ZNF469: variants seen among roughly 807,000 people sequenced by gnomAD.
The protein encoded by ZNF469 is zinc finger protein 469.
A neutral mutation model predicts 1.0 loss-of-function variants in ZNF469; 1 was observed. That is an observed-to-expected ratio of 1.00 (90% CI 0.35 to 4.73). ZNF469 has a LOEUF of 4.73. Among genes scored for constraint, ZNF469 ranks in the 30% most tolerant of loss-of-function variants. ZNF469 has a pLI of 0.16. For missense variants in ZNF469, 6,100 were observed against 5,356.3 expected, an observed-to-expected ratio of 1.14 and a Z score of -4.33; for synonymous variants, 2,703 against 2,363.4, an observed-to-expected ratio of 1.14 and a Z score of -4.17.
At chr16:88,311,298 G>C in the ZNF469 span, among the ~76,000 whole-genome samples, 1 of 152,192 alleles carries the variant, frequency 6.6e-6, no homozygotes. Context: ...TCTTTTTAAA[G>C]CTGAAACTGC....
In ZNF469 at chr16:88,430,915, G is replaced by T. The variant is rs1278453150; in HGVS notation, c.3445G>T (p.Asp1149Tyr). The T allele has an allele frequency of 4.6e-6, 7 of 1,537,010 alleles. No individual in the cohort carries two copies. Among genetic ancestry groups the T allele is most frequent in the Non-Finnish European group, 6.1e-6 (7 of 1,145,724 alleles). Residue 1149 changes from aspartate to tyrosine, a missense_variant, in exon 3 of 3, where the codon GAC (aspartate) becomes TAC (tyrosine). Physicochemically the swap from Asp to Tyr is radical, Grantham distance 160 (BLOSUM62 -3). Transcript: ENST00000565624. ...RKAARQEAGG[D>Y]GAPANPEEPG... is the part of the protein sequence containing the mutation. ...GGCGGCGAGGCAGGAAGCCGGCGGG[G>T]ACGGAGCCCCCGCGAACCCCGAGGA... is the stretch of plus-strand genomic sequence containing the variant.
At chr16:88,381,454 GTCTT>G (rs1401874103), upstream of ZNF469, among the ~76,000 whole-genome samples, 5 of 152,138 alleles carry the variant, frequency 3.3e-5, no homozygotes, top group African/African-American at 1.2e-4. Context: ...GGAAATTGAA[GTCTT>G]TCTTAGAAAC....
At position 88,435,691 on chromosome 16, in the gene ZNF469, G is replaced by C. The variant is rs1906522264; in HGVS notation, c.8221G>C (p.Gly2741Arg). The stretch of plus-strand genomic sequence containing the variant: ...AGGGAGGATGGATGGTGCAGCTCTG[G>C]GGGAACAGCCAACTGGGCAGAAGGG... Reference protein sequence around the residue: ...CPGRMDGAALGEQPTGQKGAS... With the variant: ...CPGRMDGAALREQPTGQKGAS... Residue 2741 changes from glycine (G) to arginine (R), a missense_variant, in exon 3 of 3, where the codon GGG (glycine) becomes CGG (arginine). Gly to Arg is a moderately radical substitution (Grantham distance 125, BLOSUM62 -2). Coordinates refer to ENST00000565624, the MANE Select transcript of ZNF469 (RefSeq NM_001367624.2). 3.2e-6 allele frequency: 5 copies of C among 1,550,544 alleles called. No homozygotes were observed. Among genetic ancestry groups the C allele is most frequent in the South Asian group, 1.2e-5 (1 of 84,064 alleles).
At chr16:88,259,582 G>A in the ZNF469 span, among the ~76,000 whole-genome samples, 2 of 152,248 alleles carry the variant, frequency 1.3e-5, no homozygotes, top group South Asian at 4.1e-4. This position sits in a 1 kb window ranked among gnomAD's most constrained non-coding sequence, Gnocchi z 4.1. Flanking sequence ...CAAACTTAGG[G>A]GTTCCCTGGG....
chr16:88,224,104 C>T, the ZNF469 span, among the ~76,000 whole-genome samples: 2 of 152,180 alleles, frequency 1.3e-5, no homozygotes, highest in East Asian at 1.9e-4. Flanking sequence ...GTTGTTTTCT[C>T]GGGGCAGGGG....
chr16:88,108,141 A>ATCCCAGGACAGAGGTGCACGTC, the ZNF469 span, among the ~76,000 whole-genome samples: 2 of 103,854 alleles, frequency 1.9e-5, no homozygotes, highest in African/African-American at 7.9e-5. Context: ...GTCTGTGGGG[A>ATCCCAGGACAGAGGTGCACGTC]TGTGGGGATG....
At chr16:88,408,200 T>A (rs780505365) in intron 1 of ZNF469, among the ~76,000 whole-genome samples, 3 of 152,256 alleles carry the variant, frequency 2.0e-5, no homozygotes, top group Non-Finnish European at 4.4e-5. Context: ...TTGCCCAGGC[T>A]GGAGTGCAAT....
the ZNF469 span, among the ~76,000 whole-genome samples, chr16:88,306,371 C>T: frequency 2.0e-5 from 3 of 152,360 alleles, no homozygotes; most frequent in Non-Finnish European, 4.4e-5. Context: ...CTGGAGCTCT[C>T]GCACTAGCCT....
In ZNF469 at chr16:88,383,058, G is replaced by A. The variant is rs892889704; in HGVS notation, c.-388G>A. On this transcript the variant is annotated 5_prime_UTR_variant, in exon 1 of 3. Transcript: ENST00000565624. ...CCCGCGGCGACCTGGGCAGGGTGGC[G>A]GCTGCTCCCTCTCCTCCCACCCCGC... Among the ~76,000 whole-genome samples the A allele has an allele frequency of 1.1e-4, 17 of 151,410 alleles. No individual in the cohort carries two copies. The highest frequency in any genetic ancestry group is 2.0e-4 in the Admixed American group (3 of 15,202).
At chr16:88,170,333 C>T in the ZNF469 span, among the ~76,000 whole-genome samples, 8 of 152,140 alleles carry the variant, frequency 5.3e-5, no homozygotes, top group South Asian at 2.1e-4. This position sits in a 1 kb window ranked among gnomAD's most constrained non-coding sequence, Gnocchi z 4.2. Flanking sequence ...ATTTCACATA[C>T]GCAATCGATT....
In ZNF469 at chr16:88,435,960, A is replaced by G. The variant is rs1597212935; in HGVS notation, c.8490A>G (p.Gly2830=). The G allele has an allele frequency of 1.9e-6, 3 of 1,550,040 alleles. No homozygotes were observed. Among genetic ancestry groups the G allele is most frequent in the East Asian group, 2.4e-5 (1 of 40,918 alleles). ...CGGACAACCCAGACACCCAGGGTGG[A>G]GTCCAGGGGCCTGAAGGCCCCACTC... is the stretch of plus-strand genomic sequence containing the variant. ...GLPDNPDTQG[G]VQGPEGPTPD... is the part of the protein sequence containing the mutation. Residue 2830 remains glycine (G), a synonymous_variant, in exon 3 of 3, where the codon GGA becomes GGG. Transcript: ENST00000565624.
chr16:88,118,378 A>T, the ZNF469 span, among the ~76,000 whole-genome samples: 1 of 152,168 alleles, frequency 6.6e-6, no homozygotes, highest in South Asian at 2.1e-4. Flanking sequence ...CCCCACCCTG[A>T]GGACGGGAGC....
the ZNF469 span, among the ~76,000 whole-genome samples, chr16:88,117,468 C>G: frequency 6.6e-6 from 1 of 152,234 alleles, no homozygotes; most frequent in Non-Finnish European, 1.5e-5. Flanking sequence ...AGAGACAATT[C>G]AGGTCTCTGA....
the ZNF469 span, among the ~76,000 whole-genome samples, chr16:88,331,225 CCACCAT>C: frequency 3.1e-4 from 39 of 127,282 alleles, no homozygotes; most frequent in Non-Finnish European, 5.0e-4. Context: ...GTCACCACCA[CCACCAT>C]CACCACCATC....
At chr16:88,316,979 T>A in the ZNF469 span, among the ~76,000 whole-genome samples, 2 of 152,256 alleles carry the variant, frequency 1.3e-5, no homozygotes, top group East Asian at 3.9e-4. Flanking sequence ...CCAGAACACC[T>A]GACCTCGGCA....
the ZNF469 span, among the ~76,000 whole-genome samples, chr16:88,346,822 T>G: frequency 1.6e-4 from 24 of 152,380 alleles, no homozygotes; most frequent in Non-Finnish European, 2.4e-4. Context: ...GCCCTGGACC[T>G]GCCCACTGCT....
chr16:88,314,383 A>G, the ZNF469 span, among the ~76,000 whole-genome samples: 214 of 108,452 alleles, frequency 2.0e-3, no homozygotes, highest in Middle Eastern at 0.029. Context: ...ATGCTGGTGT[A>G]GAATATCTCT....
chr16:88,354,026 G>A, the ZNF469 span, among the ~76,000 whole-genome samples: 9,179 of 152,280 alleles, frequency 0.06, 329 homozygotes, highest in East Asian at 0.13. Context: ...CAGCTGGAAT[G>A]TAAGGACACA....
chr16:88,136,904 A>G, the ZNF469 span, among the ~76,000 whole-genome samples: 1 of 152,206 alleles, frequency 6.6e-6, no homozygotes, highest in African/African-American at 2.4e-5. Context: ...GAGGATGCAA[A>G]GATAAGTTCT....
Sources: allele counts gnomAD v4.1 joint callset (sites outside exome capture counted in the v4.1 genomes callset), GRCh38; gene constraint gnomAD v4.1.1; non-coding constraint Gnocchi (gnomAD v3.1); transcripts MANE v1.5; gene names NCBI Gene and HGNC (gene_info 2026-07-23, HGNC 2026-07-21).